RNF135: variants seen among roughly 807,000 people sequenced by gnomAD.
The protein encoded by RNF135 is E3 ubiquitin-protein ligase RNF135.
In RNF135, 46 loss-of-function variants were observed where a neutral mutation model predicts 41.9. That is an observed-to-expected ratio of 1.10 (90% CI 0.87 to 1.40). The LOEUF is 1.40. RNF135 is among the 40% of genes most tolerant of loss of function. RNF135 has a pLI of 0.00. For missense variants in RNF135, 539 were observed against 549.8 expected (o/e 0.98, Z 0.20); for synonymous variants, 238 against 223.8 (o/e 1.06, Z -0.57).
intron 1 of RNF135, among the ~76,000 whole-genome samples, chr17:30,979,358 CG>C (rs1367918419): frequency 2.8e-5 from 3 of 108,926 alleles, no homozygotes; most frequent in Admixed American, 8.5e-5. Context: ...GCTGGCCGGG[CG>C]GGGGGCTGTC....
At position 30,982,901 on chromosome 17, in the gene RNF135, A is replaced by T. The variant is rs560605711; in HGVS notation, c.373-1716A>T. On this transcript the variant is annotated intron_variant, in intron 1 of 4. Transcript: ENST00000328381. Reference sequence around the variant, plus strand: ...CAACTCGCAAAAGTGGAATTCTAGGAGGACATTAAAATTCTCCATTTCCTC... The same window carrying T: ...CAACTCGCAAAAGTGGAATTCTAGGTGGACATTAAAATTCTCCATTTCCTC... Among the ~76,000 whole-genome samples the T allele has an allele frequency of 8.5e-5, 13 of 152,282 alleles. No individual in the cohort carries two copies. In the East Asian group the frequency reaches 2.1e-3, roughly 25 times the overall value.
the RNF135 span, among the ~76,000 whole-genome samples, chr17:30,963,118 G>A: frequency 1.9e-5 from 2 of 102,772 alleles, no homozygotes; most frequent in Non-Finnish European, 3.6e-5. Flanking sequence ...TTTTTTTTGA[G>A]ATCTGGTCTT....
intron 1 of RNF135, among the ~76,000 whole-genome samples, chr17:30,983,334 TATATATATATATATATATA>T (rs1907311860): frequency 2.0e-4 from 6 of 29,434 alleles, no homozygotes; most frequent in South Asian, 1.3e-3. Context: ...TATATATATA[TATATATATATATATATATA>T]TTTTTTTTTT....
chr17:30,976,195 G>A lies in RNF135; in HGVS notation c.372+4750G>A, dbSNP rs143217578. 3.3e-3 allele frequency among the ~76,000 whole-genome samples: 501 copies of A among 152,090 alleles called. 3 individuals are homozygous for A. The highest frequency in any genetic ancestry group is 0.012 in the African/African-American group (483 of 41,470). On this transcript the variant is annotated intron_variant, in intron 1 of 4. Coordinates refer to ENST00000328381, the MANE Select transcript of RNF135 (RefSeq NM_032322.4). ...TAATTTTTGTATTTTTAGTAGAGACGGGGTTTCACCATGTTGGCCAGGATG... is the reference window on the plus strand; with the variant it reads ...TAATTTTTGTATTTTTAGTAGAGACAGGGTTTCACCATGTTGGCCAGGATG...
At chr17:30,983,052 ATG>A (rs1351141704) in intron 1 of RNF135, among the ~76,000 whole-genome samples, 2 of 151,944 alleles carry the variant, frequency 1.3e-5, no homozygotes, top group Admixed American at 1.3e-4. Flanking sequence ...ACTTAGCATA[ATG>A]TCTTCAAGGG....
chr17:30,979,781 C>A (rs1226788152), intron 1 of RNF135, among the ~76,000 whole-genome samples: 27 of 129,864 alleles, frequency 2.1e-4, no homozygotes, highest in Admixed American at 7.2e-4. Context: ...TCCCCCCTCC[C>A]GGACGGGGCG....
chr17:30,973,153 A>T (rs1906137650), intron 1 of RNF135: 1 of 152,236 alleles, frequency 6.6e-6, no homozygotes, highest in South Asian at 2.1e-4. Flanking sequence ...TCATTTATAG[A>T]TCTTCATTGC....
Position 30,999,172 on chromosome 17 carries a change from TAAA to T in RNF135, c.1281_1283del (p.Ile427_Lys428delinsMet), listed in dbSNP as rs1274512229. ...TTACATCCTGGAAATTACCTGATAA[TAAA>T]GCAAGTAAAGGTGTAAGGTTTCCTA... On this transcript the variant is annotated inframe_deletion, in exon 5 of 5. Transcript: ENST00000328381. 7 of 1,613,646 alleles carry T rather than the reference TAAA, an allele frequency of 4.3e-6. No homozygotes were observed. Among genetic ancestry groups the T allele is most frequent in the Admixed American group, 3.3e-5 (2 of 59,996 alleles).
chr17:30,967,308 A>T (rs1331034393), upstream of RNF135, among the ~76,000 whole-genome samples: 1 of 151,926 alleles, frequency 6.6e-6, no homozygotes, highest in East Asian at 1.9e-4. Flanking sequence ...GGGATTACAG[A>T]TGTGAGCCAC....
chr17:30,974,545 A>G (rs1567737138), intron 1 of RNF135, among the ~76,000 whole-genome samples: 1 of 151,006 alleles, frequency 6.6e-6, no homozygotes, highest in Non-Finnish European at 1.5e-5. Flanking sequence ...AAAACACAGA[A>G]TGTCTTTTTA....
upstream of RNF135, among the ~76,000 whole-genome samples, chr17:30,967,868 AT>A (rs531777023): frequency 2.0e-5 from 3 of 150,854 alleles, no homozygotes; most frequent in Non-Finnish European, 4.4e-5. Context: ...CGCCCAGCTA[AT>A]TTTTTTTTGT....
intron 1 of RNF135, chr17:30,972,587 T>G (rs2142656225): frequency 6.6e-6 from 1 of 152,386 alleles, no homozygotes; most frequent in Non-Finnish European, 1.5e-5. Context: ...TCTAAGCTAC[T>G]TTCTGTATCT....
Position 30,998,942 on chromosome 17 carries a change from A to T in RNF135, c.1050A>T (p.Glu350Asp). 3 of 1,613,930 alleles carry T rather than the reference A, an allele frequency of 1.9e-6. No individual in the cohort carries two copies. Among genetic ancestry groups the T allele is most frequent in the Non-Finnish European group, 2.5e-6 (3 of 1,179,906 alleles). Reference protein sequence around the residue: ...LGRTMDSCCVEWKGTSQLSAW... With the variant: ...LGRTMDSCCVDWKGTSQLSAW... ...GGACTATGGACTCTTGTTGTGTGGA[A>T]TGGAAGGGGACTAGCCAGCTCTCTG... The change falls in exon 5 of 5, where the codon GAA becomes GAT. Residue 350 changes from glutamate (E) to aspartate (D), a missense_variant. By Grantham distance (45) the Glu-to-Asp change is conservative. Coordinates refer to ENST00000328381, the MANE Select transcript of RNF135 (RefSeq NM_032322.4).
chr17:30,995,464 CTCAAG>C (rs1183216357), intron 3 of RNF135, among the ~76,000 whole-genome samples: 1 of 152,042 alleles, frequency 6.6e-6, no homozygotes, highest in African/African-American at 2.4e-5. Context: ...TCCTCCTGGC[CTCAAG>C]TGAGCCTGCT....
intron 1 of RNF135, chr17:30,975,738 G>T (rs1439545587): frequency 9.0e-6 from 12 of 1,332,564 alleles, no homozygotes; most frequent in Non-Finnish European, 1.3e-5. Context: ...CACCTGATTG[G>T]CCTGGTGTAC....
chr17:30,980,828 C>T (rs1023966257), intron 1 of RNF135, among the ~76,000 whole-genome samples: 1 of 150,364 alleles, frequency 6.7e-6, no homozygotes, highest in Admixed American at 6.6e-5. Context: ...AGGCGCTCCT[C>T]GCTTCCTAGA....
At chr17:30,982,777 A>G (rs982829969) in intron 1 of RNF135, among the ~76,000 whole-genome samples, 3 of 152,222 alleles carry the variant, frequency 2.0e-5, no homozygotes, top group Admixed American at 6.5e-5. Context: ...GATATGAAAT[A>G]CATTCACAAT....
chr17:30,993,732 A>T, intron 3 of RNF135: 1 of 880,416 alleles, frequency 1.1e-6, no homozygotes, highest in Non-Finnish European at 1.7e-6. Flanking sequence ...TAACTTCAGT[A>T]GGTTTTGCAA....
the RNF135 span, among the ~76,000 whole-genome samples, chr17:30,964,429 A>G: frequency 6.6e-6 from 1 of 150,988 alleles, no homozygotes; most frequent in Non-Finnish European, 1.5e-5. Flanking sequence ...TAGTAAAAAC[A>G]AAGAAAAGAA....
Sources: allele counts gnomAD v4.1 joint callset (sites outside exome capture counted in the v4.1 genomes callset), GRCh38; gene constraint gnomAD v4.1.1; transcripts MANE v1.5; gene names NCBI Gene and HGNC (gene_info 2026-07-23, HGNC 2026-07-21).